Variants in STAC observed in about 807,000 individuals in gnomAD.
The protein encoded by STAC is SH3 and cysteine-rich domain-containing protein.
In STAC, 43 loss-of-function variants were observed where a neutral mutation model predicts 48.8. The ratio of observed to expected loss-of-function variants is 0.88; its 90% CI spans 0.69 to 1.14. The LOEUF (loss-of-function observed/expected upper bound fraction) is 1.14, where lower values mean the gene tolerates loss of function less well. Among genes scored for constraint, STAC ranks in the 50% most tolerant of loss-of-function variants. The pLI is 0.00. For synonymous variants in STAC, 193 were observed against 179.5 expected (o/e 1.07, Z -0.60); for missense variants, 497 against 504.0 (o/e 0.99, Z 0.13).
rs558013910 is a variant in STAC at position 36,473,593 on chromosome 3, G to A, written c.389-9399G>A. The stretch of plus-strand genomic sequence containing the variant: ...CAAGTGCCTGGTTCAAAGTCTCAGA[G>A]CTGAATACTATTACCTAAGTTTGTT... On this transcript the variant is annotated intron_variant, in intron 2 of 10. Transcript: ENST00000273183. Among the ~76,000 whole-genome samples, 5 of 152,268 alleles carry A rather than the reference G, an allele frequency of 3.3e-5. No individual in the cohort carries two copies. The South Asian group carries it at 1.0e-3, about 32-fold the overall frequency.
At chr3:36,541,976 CTCTT>C (rs1214689629) in intron 10 of STAC, among the ~76,000 whole-genome samples, 9 of 151,614 alleles carry the variant, frequency 5.9e-5, no homozygotes, top group African/African-American at 2.2e-4. Context: ...TTCAGGAAGT[CTCTT>C]TATGTTAGAG....
chr3:36,384,336 T>C (rs909415688), intron 1 of STAC, among the ~76,000 whole-genome samples: 1 of 152,122 alleles, frequency 6.6e-6, no homozygotes, highest in Non-Finnish European at 1.5e-5. Flanking sequence ...AAAGGTGAGA[T>C]TGACACACCT....
At chr3:36,498,205 A>G (rs1298721471) in intron 6 of STAC, among the ~76,000 whole-genome samples, 1 of 152,222 alleles carries the variant, frequency 6.6e-6, no homozygotes, top group Non-Finnish European at 1.5e-5. Flanking sequence ...AAGGAAAAAG[A>G]GACTATCAGA....
intron 2 of STAC, among the ~76,000 whole-genome samples, chr3:36,477,006 C>G (rs1199647048): frequency 6.6e-6 from 1 of 152,074 alleles, no homozygotes; most frequent in Non-Finnish European, 1.5e-5. Flanking sequence ...GACTATCTTG[C>G]CTGTATTTAC....
chr3:36,457,683 T>C (rs996341953), intron 2 of STAC, among the ~76,000 whole-genome samples: 1 of 152,180 alleles, frequency 6.6e-6, no homozygotes, highest in Non-Finnish European at 1.5e-5. Flanking sequence ...ATATTATTAA[T>C]ACCGGGATCA....
In STAC at chr3:36,504,263, G is replaced by A. The variant is rs1698345777; in HGVS notation, c.767-130G>A. ...ACCACCTGAACGCTGGGTCACAGAGGGTGAGGAAAAGGCAATAAGTAGTAA... is the reference window on the plus strand; with the variant it reads ...ACCACCTGAACGCTGGGTCACAGAGAGTGAGGAAAAGGCAATAAGTAGTAA... On this transcript the variant is annotated intron_variant, in intron 6 of 10. Transcript: ENST00000273183. 6.3e-6 allele frequency: 5 copies of A among 790,662 alleles called. No homozygotes were observed. The South Asian group carries it at 7.2e-5, about 11-fold the overall frequency. The allele number at this position is 790,662 out of a possible 1,614,324, so 49.0% of individuals were successfully genotyped here. A position where few individuals can be genotyped will look rare whatever the true frequency, so the allele number is the denominator to read the frequency against.
intron 2 of STAC, among the ~76,000 whole-genome samples, chr3:36,470,978 G>A (rs1037665801): frequency 2.0e-5 from 3 of 152,312 alleles, no homozygotes; most frequent in South Asian, 4.1e-4. Context: ...AGATATAAGG[G>A]AGGAATTTGG....
At chr3:36,439,730 G>A (rs1354192170) in intron 1 of STAC, among the ~76,000 whole-genome samples, 1 of 152,122 alleles carries the variant, frequency 6.6e-6, no homozygotes, top group Admixed American at 6.5e-5. Flanking sequence ...CTGCTCCTTT[G>A]CTGCATCCAG....
At chr3:36,459,424 A>G (rs940075740) in intron 2 of STAC, 4 of 152,348 alleles carry the variant, frequency 2.6e-5, no homozygotes, top group African/African-American at 9.6e-5. Context: ...CTACCAAACT[A>G]TCTACAGTTC....
chr3:36,471,961 T>C (rs768831994), intron 2 of STAC, among the ~76,000 whole-genome samples: 8 of 152,200 alleles, frequency 5.3e-5, no homozygotes, highest in Non-Finnish European at 8.8e-5. Context: ...GTAGGGACTC[T>C]GTGTGGGACT....
intron 2 of STAC, among the ~76,000 whole-genome samples, chr3:36,476,299 G>A (rs1697492240): frequency 6.6e-6 from 1 of 152,254 alleles, no homozygotes; most frequent in Non-Finnish European, 1.5e-5. Flanking sequence ...TGAGAACGAT[G>A]AGGGGACAGA....
At chr3:36,539,568 T>C (rs574669532) in intron 10 of STAC, among the ~76,000 whole-genome samples, 1 of 152,282 alleles carries the variant, frequency 6.6e-6, no homozygotes, top group South Asian at 2.1e-4. Context: ...TAGTATTCCA[T>C]GGTGTATATG....
At chr3:36,447,714 T>C (rs1696550626) in intron 2 of STAC, among the ~76,000 whole-genome samples, 1 of 151,268 alleles carries the variant, frequency 6.6e-6, no homozygotes, top group Non-Finnish European at 1.5e-5. Flanking sequence ...GACAAAGCAA[T>C]GTTTGCTCAT....
intron 2 of STAC, among the ~76,000 whole-genome samples, chr3:36,455,861 C>G (rs976678322): frequency 6.6e-6 from 1 of 152,052 alleles, no homozygotes; most frequent in Non-Finnish European, 1.5e-5. Flanking sequence ...AGTGTTTTCT[C>G]CATAGCTTAT....
chr3:36,490,375 T>C (rs1030214660), intron 5 of STAC, among the ~76,000 whole-genome samples: 61 of 152,198 alleles, frequency 4.0e-4, no homozygotes, highest in Non-Finnish European at 2.2e-4. Flanking sequence ...AGACTGTTTG[T>C]AGATGCCACC....
intron 6 of STAC, among the ~76,000 whole-genome samples, chr3:36,501,898 G>A (rs1698291464): frequency 6.6e-6 from 1 of 152,092 alleles, no homozygotes; most frequent in African/African-American, 2.4e-5. Flanking sequence ...GAATACAGAT[G>A]CAGAAATCTC....
intron 6 of STAC, among the ~76,000 whole-genome samples, chr3:36,501,163 A>C (rs183079850): frequency 2.0e-5 from 3 of 152,292 alleles, no homozygotes; most frequent in Admixed American, 1.3e-4. Context: ...TTAAAGCTAA[A>C]TAAGAATGAA....
chr3:36,409,315 C>A (rs993572767), intron 1 of STAC, among the ~76,000 whole-genome samples: 1 of 152,068 alleles, frequency 6.6e-6, no homozygotes, highest in Non-Finnish European at 1.5e-5. Flanking sequence ...ATCAGTGGAG[C>A]AGAGTAGTCC....
chr3:36,522,910 T>C (rs1202989498), intron 8 of STAC, among the ~76,000 whole-genome samples: 1 of 152,184 alleles, frequency 6.6e-6, no homozygotes, highest in Non-Finnish European at 1.5e-5. Context: ...GATCAAACCA[T>C]CTTTCTAACA....
Sources: allele counts gnomAD v4.1 joint callset (sites outside exome capture counted in the v4.1 genomes callset), GRCh38; gene constraint gnomAD v4.1.1; transcripts MANE v1.5; gene names NCBI Gene and HGNC (gene_info 2026-07-23, HGNC 2026-07-21).